The following MTHFD1L variants were observed in gnomAD, a reference collection of about 807,000 sequenced individuals.
MTHFD1L encodes methylenetetrahydrofolate dehydrogenase (NADP+ dependent) 1 like, also known as monofunctional C1-tetrahydrofolate synthase, mitochondrial.
MTHFD1L carries 81 observed loss-of-function variants against 119.5 expected under a neutral mutation model. The ratio of observed to expected loss-of-function variants is 0.68; its 90% CI spans 0.57 to 0.82. The LOEUF (loss-of-function observed/expected upper bound fraction) is 0.82, where lower values mean the gene tolerates loss of function less well. Among genes scored for constraint, MTHFD1L ranks in the 40% least tolerant of loss-of-function variants. The pLI is 0.00. For missense variants in MTHFD1L, 1,125 were observed against 1,253.4 expected, an observed-to-expected ratio of 0.90 and a Z score of 1.55; for synonymous variants, 430 against 475.2, an observed-to-expected ratio of 0.90 and a Z score of 1.24.
At chr6:151,071,287 G>A (rs116248785) in intron 26 of MTHFD1L, among the ~76,000 whole-genome samples, 3,733 of 152,182 alleles carry the variant, frequency 0.025, 150 homozygotes, top group African/African-American at 0.084. Context: ...CTAATAAGCC[G>A]GGAGATAAGG....
chr6:150,994,012 A>G (rs574469104), intron 20 of MTHFD1L, among the ~76,000 whole-genome samples: 1 of 147,212 alleles, frequency 6.8e-6, no homozygotes, highest in Non-Finnish European at 1.5e-5. Flanking sequence ...TAGTCTCTGT[A>G]TTTGCAAATG....
intron 24 of MTHFD1L, among the ~76,000 whole-genome samples, chr6:151,032,835 CCT>C (rs1785540878): frequency 6.6e-6 from 1 of 152,172 alleles, no homozygotes; most frequent in Non-Finnish European, 1.5e-5. Flanking sequence ...CCACAGAACA[CCT>C]CTACAGTAAT....
At chr6:151,009,122 C>CAAA (rs59189384) in intron 20 of MTHFD1L, among the ~76,000 whole-genome samples, 1 of 96,866 alleles carries the variant, frequency 1.0e-5, no homozygotes, top group African/African-American at 3.7e-5. Flanking sequence ...AACTCCATCT[C>CAAA]AAAAAAAAAA....
At chr6:151,026,453 A>G (rs1053802897) in intron 24 of MTHFD1L, among the ~76,000 whole-genome samples, 2 of 152,224 alleles carry the variant, frequency 1.3e-5, no homozygotes, top group Non-Finnish European at 2.9e-5. Flanking sequence ...TAATAGCCAC[A>G]TGAGGCCAGT....
intron 15 of MTHFD1L, among the ~76,000 whole-genome samples, chr6:150,948,799 C>CA (rs1308781839): frequency 0.2 from 26,900 of 136,976 alleles, 4,452 homozygotes; most frequent in East Asian, 0.35. Flanking sequence ...CGCCACCATG[C>CA]CCAGCTAATT....
At chr6:150,947,403 C>T (rs1426051353) in intron 15 of MTHFD1L, among the ~76,000 whole-genome samples, 3 of 151,360 alleles carry the variant, frequency 2.0e-5, no homozygotes, top group Admixed American at 2.0e-4. Flanking sequence ...CCAAAAATCA[C>T]TTTCTTAAGA....
rs552110878 is a variant in MTHFD1L at position 150,909,860 on chromosome 6, C to T, written c.892+4099C>T. ...CCCGAGGGACCTTGAGACTTTCTCT[C>T]GTATGGCTCTGAAGGGAGACATTAG... On this transcript the variant is annotated intron_variant, in intron 8 of 27. Transcript: ENST00000367321. Among the ~76,000 whole-genome samples, 3 of 152,262 alleles carry T rather than the reference C, an allele frequency of 2.0e-5. 1 individual carries two copies. In the South Asian group the frequency reaches 6.2e-4, roughly 32 times the overall value.
rs531893247 is a variant in MTHFD1L at position 151,057,122 on chromosome 6, T to A, written c.2847+20005T>A. Reference sequence around the variant, plus strand: ...TAACTAATGAACAGTTCAGCTCTGGTAATTGTAGGCTTGCTGGACCCAGTG... The same window carrying A: ...TAACTAATGAACAGTTCAGCTCTGGAAATTGTAGGCTTGCTGGACCCAGTG... On this transcript the variant is annotated intron_variant, in intron 26 of 27. Transcript: ENST00000367321. The A allele has an allele frequency of 8.8e-5, 74 of 840,422 alleles. No individual in the cohort carries two copies. The African/African-American group carries it at 1.3e-3, about 15-fold the overall frequency. 52.1% of individuals were successfully genotyped at this position (840,422 alleles called of 1,614,324 possible).
chr6:151,099,894 C>T (rs951208312), intron 27 of MTHFD1L: 1 of 1,412,910 alleles, frequency 7.1e-7, no homozygotes, highest in African/African-American at 1.4e-5. Context: ...TCACAGTCAC[C>T]AACCCCAGTG....
intron 8 of MTHFD1L, among the ~76,000 whole-genome samples, chr6:150,913,526 G>A (rs181445954): frequency 6.6e-5 from 10 of 152,054 alleles, no homozygotes; most frequent in Non-Finnish European, 1.0e-4. Flanking sequence ...GGCTGCTCTC[G>A]AACTCCTGGA....
Position 150,945,580 on chromosome 6 carries a change from C to T in MTHFD1L, c.1623+39C>T, listed in dbSNP as rs563222987. On this transcript the variant is annotated intron_variant, in intron 15 of 27. Transcript: ENST00000367321. ...TAGCAATTCTTTAAAAAGAAAATATCGTAGAAACGCATCAGAAAGATTGTC... is the reference window on the plus strand; with the variant it reads ...TAGCAATTCTTTAAAAAGAAAATATTGTAGAAACGCATCAGAAAGATTGTC... The T allele has an allele frequency of 1.0e-4, 160 of 1,565,304 alleles. No homozygotes were observed. In the Middle Eastern group the frequency reaches 1.5e-3, roughly 15 times the overall value.
At chr6:151,010,701 TTTTG>T (rs1345007642) in intron 21 of MTHFD1L, among the ~76,000 whole-genome samples, 1 of 152,216 alleles carries the variant, frequency 6.6e-6, no homozygotes, top group African/African-American at 2.4e-5. Context: ...TTTGTTGTTT[TTTTG>T]TTTCATTTTT....
chr6:150,973,871 G>C (rs1776147416), intron 20 of MTHFD1L, among the ~76,000 whole-genome samples: 1 of 152,140 alleles, frequency 6.6e-6, no homozygotes, highest in African/African-American at 2.4e-5. Context: ...CTGACTGGTA[G>C]TGTGTTTTCA....
chr6:151,074,268 G>A (rs1281126235), intron 26 of MTHFD1L, among the ~76,000 whole-genome samples: 2 of 152,170 alleles, frequency 1.3e-5, no homozygotes, highest in East Asian at 3.8e-4. Context: ...AATGATACCA[G>A]TTGGAAACCT....
chr6:150,871,809 G>A (rs1779572241), intron 1 of MTHFD1L, among the ~76,000 whole-genome samples: 1 of 149,820 alleles, frequency 6.7e-6, no homozygotes, highest in South Asian at 2.1e-4. Context: ...CCTAACTACT[G>A]TAATCTTATA....
chr6:151,087,724 T>C (rs1434474448), intron 26 of MTHFD1L, among the ~76,000 whole-genome samples: 1 of 152,238 alleles, frequency 6.6e-6, no homozygotes, highest in Non-Finnish European at 1.5e-5. Context: ...AATATATGAC[T>C]ATTCTCTCTG....
chr6:150,949,186 C>A, intron 16 of MTHFD1L, 53 bp downstream of exon 16: 1 of 1,418,600 alleles, frequency 7.0e-7, no homozygotes, highest in South Asian at 1.2e-5. Flanking sequence ...GAGGCGTGTT[C>A]GAGCCGAAGC....
intron 27 of MTHFD1L, among the ~76,000 whole-genome samples, chr6:151,097,303 A>T (rs79416231): frequency 6.6e-6 from 1 of 152,222 alleles, no homozygotes; most frequent in Non-Finnish European, 1.5e-5. Context: ...CTTGAATTAC[A>T]TACACAGAAA....
chr6:151,045,652 C>T (rs1180732323), intron 26 of MTHFD1L, among the ~76,000 whole-genome samples: 2 of 152,154 alleles, frequency 1.3e-5, no homozygotes, highest in African/African-American at 4.8e-5. Context: ...TTGTTTGTGT[C>T]CCTGTGTCCT....
Sources: gnomAD v4.1 joint callset for allele counts (sites outside exome capture counted in the v4.1 genomes callset) on GRCh38, gnomAD v4.1.1 for gene constraint, MANE v1.5 for transcripts, NCBI Gene and HGNC (gene_info 2026-07-23, HGNC 2026-07-21) for gene names.